The following NEGR1 variants were observed in gnomAD, a reference collection of about 807,000 sequenced individuals.
The protein encoded by NEGR1 is neuronal growth regulator 1.
NEGR1 carries 10 observed loss-of-function variants against 40.9 expected under a neutral mutation model. That is an observed-to-expected ratio of 0.24 (90% CI 0.15 to 0.42). NEGR1 has a LOEUF of 0.42. Among genes scored for constraint, NEGR1 ranks in the 10% least tolerant of loss-of-function variants. NEGR1 has a pLI of 1.00. For missense variants in NEGR1, 352 were observed against 438.9 expected, an observed-to-expected ratio of 0.80 and a Z score of 1.77; for synonymous variants, 185 against 166.8, an observed-to-expected ratio of 1.11 and a Z score of -0.84.
At chr1:71,610,546 T>G (rs1328052918) in intron 5 of NEGR1, among the ~76,000 whole-genome samples, 2 of 152,192 alleles carry the variant, frequency 1.3e-5, no homozygotes, top group Non-Finnish European at 2.9e-5. Flanking sequence ...ACAGCCTCTT[T>G]AGTGACAGAA....
At chr1:71,943,928 G>T (rs1458559498) in intron 1 of NEGR1, among the ~76,000 whole-genome samples, 1 of 152,162 alleles carries the variant, frequency 6.6e-6, no homozygotes, top group Non-Finnish European at 1.5e-5. Flanking sequence ...ATGAAGCAAA[G>T]AATGTAAAAG....
At chr1:71,463,108 G>A (rs1461709098) in intron 6 of NEGR1, among the ~76,000 whole-genome samples, 1 of 152,104 alleles carries the variant, frequency 6.6e-6, no homozygotes, top group Admixed American at 6.6e-5. Context: ...AGAGACAAAT[G>A]TCTGTTTTCA....
At chr1:71,918,705 G>T (rs1414305172) in intron 2 of NEGR1, among the ~76,000 whole-genome samples, 1 of 150,968 alleles carries the variant, frequency 6.6e-6, no homozygotes, top group Non-Finnish European at 1.5e-5. Flanking sequence ...AATCGAGTAA[G>T]TTGAACCTGA....
intron 1 of NEGR1, among the ~76,000 whole-genome samples, chr1:72,129,667 T>C (rs771681311): frequency 6.6e-6 from 1 of 152,204 alleles, no homozygotes. Context: ...GTCTAATTTA[T>C]GTATTTGGGG....
At position 71,972,528 on chromosome 1, in the gene NEGR1, T is replaced by C. The variant is rs367925311; in HGVS notation, c.177-37217A>G. Among the ~76,000 whole-genome samples the C allele has an allele frequency of 5.3e-5, 8 of 152,362 alleles. No homozygotes were observed. The East Asian group carries it at 1.3e-3, about 26-fold the overall frequency. ...GATATACTTAACCTCAGCTGTGTTT[T>C]TTATTCCCTTTTACATCTTAAACTT... On this transcript the variant is annotated intron_variant, in intron 1 of 6. Coordinates refer to ENST00000357731, the MANE Select transcript of NEGR1 (RefSeq NM_173808.3).
chr1:71,657,684 C>T (rs768595561), intron 4 of NEGR1, among the ~76,000 whole-genome samples: 5 of 152,116 alleles, frequency 3.3e-5, no homozygotes, highest in Admixed American at 6.5e-5. Flanking sequence ...AGGCTGGGGA[C>T]GCTAGCCATG....
intron 2 of NEGR1, among the ~76,000 whole-genome samples, chr1:71,802,339 G>T (rs1035619915): frequency 2.6e-5 from 4 of 152,150 alleles, no homozygotes; most frequent in Non-Finnish European, 4.4e-5. Context: ...TAAAGAGATT[G>T]CCCATGGATT....
chr1:71,564,987 T>G (rs979107275), intron 6 of NEGR1, among the ~76,000 whole-genome samples: 1 of 152,162 alleles, frequency 6.6e-6, no homozygotes, highest in Non-Finnish European at 1.5e-5. Context: ...TAAGAGTAAC[T>G]ATCAATTAGA....
Position 72,199,189 on chromosome 1 carries a change from C to T in NEGR1, c.176+83130G>A, listed in dbSNP as rs910449091. ...GAGAGAGAGAGAGAGAGAGAGACTACATAATATGTATCTTGGGGGCTGCAT... is the reference window on the plus strand; with the variant it reads ...GAGAGAGAGAGAGAGAGAGAGACTATATAATATGTATCTTGGGGGCTGCAT... On this transcript the variant is annotated intron_variant, in intron 1 of 6. Coordinates refer to ENST00000357731, the MANE Select transcript of NEGR1 (RefSeq NM_173808.3). Among the ~76,000 whole-genome samples the T allele has an allele frequency of 4.5e-5, 6 of 134,742 alleles. No homozygotes were observed. In the South Asian group the frequency reaches 1.2e-3, roughly 27 times the overall value. 88.4% of individuals were successfully genotyped at this position (134,742 alleles called of 152,430 possible). A position where few individuals can be genotyped will look rare whatever the true frequency, so the allele number is the denominator to read the frequency against.
intron 3 of NEGR1, among the ~76,000 whole-genome samples, chr1:71,742,492 G>A (rs1297183239): frequency 6.6e-6 from 1 of 152,136 alleles, no homozygotes; most frequent in Non-Finnish European, 1.5e-5. Flanking sequence ...AGCTAAAGCA[G>A]GCTATTCTTA....
intron 6 of NEGR1, among the ~76,000 whole-genome samples, chr1:71,450,941 A>T (rs1220007168): frequency 6.6e-6 from 1 of 152,212 alleles, no homozygotes; most frequent in Non-Finnish European, 1.5e-5. Context: ...TTTTAAAAAA[A>T]GTGGTAGCAA....
intron 3 of NEGR1, among the ~76,000 whole-genome samples, chr1:71,744,924 G>T (rs1350644): frequency 0.49 from 75,004 of 151,982 alleles, 18,844 homozygotes; most frequent in East Asian, 0.78. Flanking sequence ...AAAATTATGT[G>T]GCAGAAGAAA....
rs76278095 is a variant in NEGR1 at position 72,242,587 on chromosome 1, A to T, written c.176+39732T>A. On this transcript the variant is annotated intron_variant, in intron 1 of 6. Transcript: ENST00000357731. ...TCTGAGGGGTTTAACAAATTCTGTT[A>T]CTATAAACCAATAATTTACTCATGA... 9.6e-4 allele frequency among the ~76,000 whole-genome samples: 145 copies of T among 151,750 alleles called. 3 individuals are homozygous for T. In the East Asian group the frequency reaches 0.022, roughly 23 times the overall value.
At chr1:71,780,130 T>C (rs1342658326) in intron 2 of NEGR1, among the ~76,000 whole-genome samples, 1 of 151,516 alleles carries the variant, frequency 6.6e-6, no homozygotes, top group African/African-American at 2.4e-5. Context: ...GCCCCTTTTC[T>C]AGATCTTATT....
chr1:71,857,626 CAAAAAAAAAA>C lies in NEGR1; in HGVS notation c.409+77443_409+77452del, dbSNP rs59343025. 3.2e-4 allele frequency among the ~76,000 whole-genome samples: 17 copies of C among 53,432 alleles called. No homozygotes were observed. In the South Asian group the frequency reaches 3.6e-3, roughly 11 times the overall value. The allele number at this position is 53,432 out of a possible 152,430, so 35.1% of individuals were successfully genotyped here. A position where few individuals can be genotyped will look rare whatever the true frequency, so the allele number is the denominator to read the frequency against. ...TAGGTGACAAAGTGAGATCCTGTCTCAAAAAAAAAAAAAAAAAAAAAAAAAAAAAATTGAA... is the reference window on the plus strand; with the variant it reads ...TAGGTGACAAAGTGAGATCCTGTCTCAAAAAAAAAAAAAAAAAAAATTGAA... On this transcript the variant is annotated intron_variant, in intron 2 of 6. Transcript: ENST00000357731.
chr1:71,463,151 G>C (rs1328141266), intron 6 of NEGR1, among the ~76,000 whole-genome samples: 1 of 152,102 alleles, frequency 6.6e-6, no homozygotes, highest in Non-Finnish European at 1.5e-5. Flanking sequence ...ATGCGAGAGA[G>C]CAGTAAACAT....
At chr1:71,566,200 T>C (rs1648613889) in intron 6 of NEGR1, among the ~76,000 whole-genome samples, 1 of 152,148 alleles carries the variant, frequency 6.6e-6, no homozygotes, top group Non-Finnish European at 1.5e-5. Flanking sequence ...TAATTTTTTA[T>C]GACAGCCCTA....
chr1:72,274,951 G>C, intron 1 of NEGR1: 1 of 1,526,156 alleles, frequency 6.6e-7, no homozygotes, highest in Non-Finnish European at 9.1e-7. Context: ...CTTTGCGCAC[G>C]ATGTAGCAGC....
At chr1:71,772,265 G>T (rs1471355533) in intron 3 of NEGR1, among the ~76,000 whole-genome samples, 1 of 152,102 alleles carries the variant, frequency 6.6e-6, no homozygotes, top group Non-Finnish European at 1.5e-5. Context: ...TTAGCTGGGT[G>T]TGGTGGCGCA....
Sources: allele counts gnomAD v4.1 joint callset (sites outside exome capture counted in the v4.1 genomes callset), GRCh38; gene constraint gnomAD v4.1.1; transcripts MANE v1.5; gene names NCBI Gene and HGNC (gene_info 2026-07-23, HGNC 2026-07-21).